ERG: variants seen among roughly 807,000 people sequenced by gnomAD.
The protein encoded by ERG is transcriptional regulator ERG.
In ERG, 9 loss-of-function variants were observed where a neutral mutation model predicts 55.3. That is an observed-to-expected ratio of 0.16 (90% CI 0.10 to 0.28). ERG has a LOEUF of 0.28. Among genes scored for constraint, ERG ranks in the 10% least tolerant of loss-of-function variants. The pLI is 1.00. For synonymous variants in ERG, 223 were observed against 237.3 expected (o/e 0.94, Z 0.55); for missense variants, 434 against 631.6 (o/e 0.69, Z 3.35).
chr21:38,459,171 C>T (rs1054198406), intron 1 of ERG, among the ~76,000 whole-genome samples: 3 of 152,204 alleles, frequency 2.0e-5, no homozygotes, highest in African/African-American at 7.2e-5. Context: ...CCAATGGCCT[C>T]AGCGCTGCCA....
intron 1 of ERG, among the ~76,000 whole-genome samples, chr21:38,472,597 C>T (rs188476639): frequency 9.8e-5 from 15 of 152,294 alleles, no homozygotes; most frequent in African/African-American, 3.4e-4. Context: ...GTTACCCCCG[C>T]TGAGCTCATC....
intron 2 of ERG, among the ~76,000 whole-genome samples, chr21:38,573,179 G>A (rs919899249): frequency 6.6e-6 from 1 of 152,206 alleles, no homozygotes; most frequent in African/African-American, 2.4e-5. Context: ...AATGCACTGC[G>A]GAAAGCCGCA....
intron 1 of ERG, among the ~76,000 whole-genome samples, chr21:38,462,042 C>T (rs189499245): frequency 1.5e-4 from 23 of 151,498 alleles, no homozygotes; most frequent in African/African-American, 2.7e-4. Flanking sequence ...AATGCAGTGG[C>T]GCGATCTTGG....
chr21:38,468,708 G>A (rs568700211), intron 1 of ERG, among the ~76,000 whole-genome samples: 25 of 152,196 alleles, frequency 1.6e-4, no homozygotes, highest in Admixed American at 9.2e-4. Flanking sequence ...GGCTTCTGCC[G>A]GGTGCGGTGG....
upstream of ERG, among the ~76,000 whole-genome samples, chr21:38,587,776 C>T (rs1333688241): frequency 1.3e-5 from 2 of 152,192 alleles, no homozygotes; most frequent in African/African-American, 2.4e-5. Flanking sequence ...CCAATTTCTG[C>T]AAAGGGAATA....
intron 2 of ERG, among the ~76,000 whole-genome samples, chr21:38,445,047 C>A (rs539416583): frequency 1.3e-5 from 2 of 152,226 alleles, no homozygotes; most frequent in Non-Finnish European, 2.9e-5. Context: ...ATTTTACAAA[C>A]TCCATCCTCT....
intron 1 of ERG, chr21:38,450,876 T>C: frequency 2.2e-6 from 1 of 454,812 alleles, no homozygotes; most frequent in Non-Finnish European, 4.4e-6. Flanking sequence ...ATTTAATCCT[T>C]ACAATTGTCC....
At chr21:38,477,034 A>T (rs2059195297) in intron 1 of ERG, among the ~76,000 whole-genome samples, 1 of 82,870 alleles carries the variant, frequency 1.2e-5, no homozygotes, top group African/African-American at 4.4e-5. Flanking sequence ...TTTTTTTGAG[A>T]CAGAGTCTCA....
chr21:38,637,058 G>A (rs1453686483), intron 1 of ERG, among the ~76,000 whole-genome samples: 1 of 152,132 alleles, frequency 6.6e-6, no homozygotes, highest in Non-Finnish European at 1.5e-5. Context: ...GGAACCGCAC[G>A]CTGGTCTGGC....
At chr21:38,391,796 A>G (rs920623805) in intron 7 of ERG, 81 bp from the exon 8 acceptor site, 2 of 1,165,416 alleles carry the variant, frequency 1.7e-6, no homozygotes, top group Non-Finnish European at 1.3e-6. Flanking sequence ...TAATCATTCT[A>G]TCAGTTAATT....
chr21:38,423,708 CG>C, intron 2 of ERG, 147 bp from the exon 3 acceptor site: 3 of 838,236 alleles, frequency 3.6e-6, no homozygotes, highest in South Asian at 1.9e-5. Context: ...CAAATACAGG[CG>C]GGGTGCCGTG....
At position 38,467,027 on chromosome 21, in the gene ERG, G is replaced by C. The variant is rs1026426998; in HGVS notation, c.19-21406C>G. 5.3e-5 allele frequency among the ~76,000 whole-genome samples: 8 copies of C among 152,286 alleles called. No individual in the cohort carries two copies. The South Asian group carries it at 1.7e-3, about 32-fold the overall frequency. ...TTAAAGTCACAGAGGTAGTTAATTT[G>C]GCAAGGAGTGGCTACAAATTCAAGA... On this transcript the variant is annotated intron_variant, in intron 1 of 9. Transcript: ENST00000288319.
At chr21:38,513,823 G>A (rs1044672327) in intron 2 of ERG, among the ~76,000 whole-genome samples, 1 of 151,948 alleles carries the variant, frequency 6.6e-6, no homozygotes, top group African/African-American at 2.4e-5. Flanking sequence ...TAAATAATAT[G>A]GTAGAGAAGA....
At chr21:38,648,963 G>C (rs943562517) in intron 1 of ERG, among the ~76,000 whole-genome samples, 1 of 152,150 alleles carries the variant, frequency 6.6e-6, no homozygotes, top group Non-Finnish European at 1.5e-5. Flanking sequence ...AGACAGTGAG[G>C]AAGGGGCATT....
chr21:38,403,796 AC>A, intron 3 of ERG, 87 bp from the exon 4 acceptor site: 1 of 1,287,160 alleles, frequency 7.8e-7, no homozygotes, highest in Non-Finnish European at 1.1e-6. Context: ...GGGATTTCTG[AC>A]CAGCTGCCTT....
Position 38,542,583 on chromosome 21 carries a change from T to A in ERG, c.-41+33079A>T, listed in dbSNP as rs1485758423. ...GAGCTTAATGTGTTCCTGATGTTTC[T>A]GGAGTAATGTATTTCTAAAAATAGA... On this transcript the variant is annotated intron_variant, in intron 2 of 8. Coordinates refer to the ERG transcript ENST00000398897. 2.6e-5 allele frequency among the ~76,000 whole-genome samples: 4 copies of A among 152,232 alleles called. No homozygotes were observed. In the East Asian group the frequency reaches 7.7e-4, roughly 29 times the overall value.
chr21:38,496,197 C>CA (rs1333689572), intron 1 of ERG, among the ~76,000 whole-genome samples: 1 of 151,854 alleles, frequency 6.6e-6, no homozygotes, highest in Non-Finnish European at 1.5e-5. Flanking sequence ...AATGTTAATG[C>CA]AAAAAAATAA....
intron 1 of ERG, among the ~76,000 whole-genome samples, chr21:38,451,652 C>A (rs1328059473): frequency 6.6e-6 from 1 of 152,160 alleles, no homozygotes; most frequent in Non-Finnish European, 1.5e-5. Context: ...TCTAAAAGGT[C>A]TAGTATCTAA....
intron 2 of ERG, among the ~76,000 whole-genome samples, chr21:38,431,432 C>T (rs1032025609): frequency 1.2e-4 from 18 of 152,156 alleles, no homozygotes; most frequent in African/African-American, 4.3e-4. Context: ...AGCCATTATT[C>T]CCCTACCTGT....
Sources: allele counts gnomAD v4.1 joint callset (sites outside exome capture counted in the v4.1 genomes callset), GRCh38; gene constraint gnomAD v4.1.1; transcripts MANE v1.5; gene names NCBI Gene and HGNC (gene_info 2026-07-23, HGNC 2026-07-21).